TICRR: variants seen among roughly 807,000 people sequenced by gnomAD.
The protein encoded by TICRR is TOPBP1 interacting checkpoint and replication regulator.
In TICRR, 132 loss-of-function variants were observed where a neutral mutation model predicts 178.1. The observed-to-expected ratio is 0.74, with a 90% confidence interval of 0.64 to 0.86. The LOEUF (loss-of-function observed/expected upper bound fraction) is 0.86. Ranked by LOEUF, TICRR falls within the 40% of genes least tolerant of loss-of-function variation. The probability of loss-of-function intolerance (pLI) is 0.00; values close to 1 mark genes in which losing one functional copy is unlikely to be tolerated. For synonymous variants in TICRR, 991 were observed against 900.7 expected (o/e 1.10, Z -1.79); for missense variants, 2,587 against 2,334.3 (o/e 1.11, Z -2.23).
intron 4 of TICRR, among the ~76,000 whole-genome samples, chr15:89,590,705 G>T (rs1250684497): frequency 1.3e-5 from 2 of 152,124 alleles, no homozygotes; most frequent in Non-Finnish European, 1.5e-5. Flanking sequence ...ACATTTATAC[G>T]TATCTCCATG....
chr15:89,619,071 A>C (rs1449686504), intron 17 of TICRR, among the ~76,000 whole-genome samples: 1 of 152,244 alleles, frequency 6.6e-6, no homozygotes, highest in Non-Finnish European at 1.5e-5. Flanking sequence ...ACATGAAGCC[A>C]AAAATTTTAA....
intron 15 of TICRR, among the ~76,000 whole-genome samples, chr15:89,612,739 G>A (rs1336510306): frequency 6.6e-6 from 1 of 152,116 alleles, no homozygotes; most frequent in Non-Finnish European, 1.5e-5. Flanking sequence ...CCATCATGTT[G>A]CATAACCTCA....
At chr15:89,592,000 G>T in intron 4 of TICRR, 47 bp from the exon 5 acceptor site, 1 of 1,573,940 alleles carries the variant, frequency 6.4e-7, no homozygotes, top group Non-Finnish European at 8.7e-7. Context: ...CTCTGCTTTG[G>T]TTCTCATGCT....
Position 89,594,530 on chromosome 15 carries a change from C to T in TICRR, c.1657C>T (p.His553Tyr), listed in dbSNP as rs758072313. 2 of 1,603,450 alleles carry T rather than the reference C, an allele frequency of 1.2e-6. No homozygotes were observed. Among genetic ancestry groups the T allele is most frequent in the Non-Finnish European group, 1.7e-6 (2 of 1,174,774 alleles). ...ATCTCGTGAAGAATCCACTATAGCT[C>T]ATCAAGAAGACAGCAAAAAGAAACG... The part of the protein sequence containing the change: ...RKSREESTIA[H>Y]QEDSKKKRGV... The change falls in exon 6 of 22, where the codon CAT (histidine) becomes TAT (tyrosine). Residue 553 changes from histidine (H) to tyrosine (Y), a missense_variant. Physicochemically the swap from His to Tyr is moderately conservative, Grantham distance 83. Coordinates refer to ENST00000268138, the MANE Select transcript of TICRR (RefSeq NM_152259.4).
intron 5 of TICRR, among the ~76,000 whole-genome samples, chr15:89,594,162 T>C (rs928469363): frequency 2.0e-5 from 3 of 152,248 alleles, no homozygotes; most frequent in African/African-American, 7.2e-5. Flanking sequence ...TGAAGAATCC[T>C]ATTAATAAAA....
At chr15:89,614,974 C>T (rs1427950012) in intron 15 of TICRR, among the ~76,000 whole-genome samples, 3 of 152,204 alleles carry the variant, frequency 2.0e-5, no homozygotes, top group Non-Finnish European at 4.4e-5. Flanking sequence ...TGGCAGCTTA[C>T]AGGCTTCTCA....
chr15:89,600,329 C>T (rs1393180296), intron 8 of TICRR, among the ~76,000 whole-genome samples: 1 of 152,168 alleles, frequency 6.6e-6, no homozygotes, highest in Non-Finnish European at 1.5e-5. Flanking sequence ...TTCTTAAGCA[C>T]TGCTTTATGG....
At position 89,599,342 on chromosome 15, in the gene TICRR, A is replaced by T; in HGVS notation, c.1919A>T (p.Glu640Val). 1 of 1,605,198 alleles carries T rather than the reference A, an allele frequency of 6.2e-7. No homozygotes were observed. The highest frequency in any genetic ancestry group is 1.1e-5 in the South Asian group (1 of 89,112). ...TTCTCAGATTTTAAAACTGAGGAAG[A>T]GCTGCTATCATATATACGTGAAAAT... ...SKPKDFKTEE[E>V]LLSYIRENYQ... Residue 640 changes from glutamate (E) to valine (V), a missense_variant, in exon 8 of 22, where the codon GAG (glutamate) becomes GTG (valine). Transcript: ENST00000268138.
At position 89,592,168 on chromosome 15, in the gene TICRR, G is replaced by T; in HGVS notation, c.1533G>T (p.Glu511Asp). Reference sequence around the variant, plus strand: ...GTGGTGCCAGTTCCGATTTGATGGAGTCATTTGGGTAAAACGTTTTTATAT... The same window carrying T: ...GTGGTGCCAGTTCCGATTTGATGGATTCATTTGGGTAAAACGTTTTTATAT... ...NISGASSDLM[E>D]SFGLLQAASA... The change falls in exon 5 of 22, where the codon GAG becomes GAT. Residue 511 changes from glutamate (E) to aspartate (D), a missense_variant. Transcript: ENST00000268138. The T allele has an allele frequency of 1.2e-6, 2 of 1,610,870 alleles. No individual in the cohort carries two copies. The highest frequency in any genetic ancestry group is 2.2e-5 in the East Asian group (1 of 44,884).
chr15:89,577,283 C>T (rs1201467053), intron 1 of TICRR, among the ~76,000 whole-genome samples: 1 of 152,062 alleles, frequency 6.6e-6, no homozygotes, highest in East Asian at 1.9e-4. Flanking sequence ...AACTTAAAGT[C>T]TTAAATGGCT....
chr15:89,592,555 GA>G (rs1962930710), intron 5 of TICRR, among the ~76,000 whole-genome samples: 3 of 152,106 alleles, frequency 2.0e-5, no homozygotes, highest in South Asian at 2.1e-4. Flanking sequence ...TTTTTGTAAG[GA>G]AAAAAGTTAA....
rs1052560304 is a variant in TICRR, at chr15:89,619,781, T to C, written c.3093T>C (p.Ser1031=). The C allele has an allele frequency of 2.7e-5, 44 of 1,613,910 alleles. No individual in the cohort carries two copies. The highest frequency in any genetic ancestry group is 3.5e-5 in the Non-Finnish European group (41 of 1,180,004). ...FSRTHSASFY[S]VSQPKSRSVQ... is the part of the protein sequence containing the mutation. ...GGACACATTCTGCCTCCTTCTATTCTGTGTCTCAGCCGAAGTCTCGAAGTG... is the reference window on the plus strand; with the variant it reads ...GGACACATTCTGCCTCCTTCTATTCCGTGTCTCAGCCGAAGTCTCGAAGTG... Residue 1031 remains serine, a synonymous_variant, in exon 18 of 22, where the codon TCT becomes TCC. Coordinates refer to ENST00000268138, the MANE Select transcript of TICRR (RefSeq NM_152259.4).
At chr15:89,617,102 C>T (rs1401092965) in intron 16 of TICRR, among the ~76,000 whole-genome samples, 1 of 152,202 alleles carries the variant, frequency 6.6e-6, no homozygotes, top group Non-Finnish European at 1.5e-5. Flanking sequence ...CCAAAGTCCC[C>T]AGCCAGGCTG....
chr15:89,618,165 G>T lies in TICRR; in HGVS notation c.2974G>T (p.Gly992Cys). The T allele has an allele frequency of 6.2e-7, 1 of 1,614,144 alleles. No homozygotes were observed. The highest frequency in any genetic ancestry group is 1.7e-5 in the Admixed American group (1 of 60,032). The stretch of plus-strand genomic sequence containing the variant: ...TGGTTCCTCGAGGTCCTCTGATCCT[G>T]GTCCTGATATTGGTGTTGTTGAAGA... Reference protein sequence around the residue: ...RQIKGRSSDPGPDIGVVEESP... With the variant: ...RQIKGRSSDPCPDIGVVEESP... Residue 992 changes from glycine to cysteine, a missense_variant, in exon 17 of 22, where the codon GGT becomes TGT. Coordinates refer to ENST00000268138, the MANE Select transcript of TICRR (RefSeq NM_152259.4).
Position 89,624,662 on chromosome 15 carries a change from C to T in TICRR, c.4352C>T (p.Ala1451Val). The change falls in exon 20 of 22, where the codon GCA (alanine) becomes GTA (valine). Residue 1451 changes from alanine to valine, a missense_variant. Ala to Val is a moderately conservative substitution (Grantham distance 64). Coordinates refer to ENST00000268138, the MANE Select transcript of TICRR (RefSeq NM_152259.4). ...CCTGGTCTCAGGAGTGATTGGCATGCATCCTCTCCTCTGCTCATTACAAGT... is the reference window on the plus strand; with the variant it reads ...CCTGGTCTCAGGAGTGATTGGCATGTATCCTCTCCTCTGCTCATTACAAGT... ...PGPGLRSDWH[A>V]SSPLLITSDT... is the part of the protein sequence containing the mutation. 1 of 1,614,092 alleles carries T rather than the reference C, an allele frequency of 6.2e-7. No homozygotes were observed. The highest frequency in any genetic ancestry group is 1.1e-5 in the South Asian group (1 of 91,090).
intron 12 of TICRR, among the ~76,000 whole-genome samples, chr15:89,602,586 T>G (rs770040323): frequency 1.3e-5 from 2 of 152,274 alleles, no homozygotes; most frequent in South Asian, 4.1e-4. Flanking sequence ...TTTTTAAATT[T>G]CCCTTGATGC....
In TICRR at chr15:89,576,006, C is replaced by CA; in HGVS notation, c.422dup (p.Glu142GlyfsTer45). ...GACTGCTGGACGTGGAGAGCGAGGC[C>CA]AAGGAGGCCGAGGCCGCGCTCGGGG... On this transcript the variant is annotated frameshift_variant, in exon 1 of 22. Transcript: ENST00000268138. LOFTEE classifies it high-confidence loss of function. 2 of 1,608,076 alleles carry CA rather than the reference C, an allele frequency of 1.2e-6. No individual in the cohort carries two copies. The highest frequency in any genetic ancestry group is 1.7e-6 in the Non-Finnish European group (2 of 1,178,254).
At position 89,617,370 on chromosome 15, in the gene TICRR, T is replaced by G. The variant is rs541712603; in HGVS notation, c.2961-782T>G. Among the ~76,000 whole-genome samples, 7 of 152,350 alleles carry G rather than the reference T, an allele frequency of 4.6e-5. No homozygotes were observed. In the East Asian group the frequency reaches 1.2e-3, roughly 25 times the overall value. ...ACATCCTTGACACATTGGCAGAAATTAAGGCTCTTAAACAGAAACTTGAAT... is the reference window on the plus strand; with the variant it reads ...ACATCCTTGACACATTGGCAGAAATGAAGGCTCTTAAACAGAAACTTGAAT... On this transcript the variant is annotated intron_variant, in intron 16 of 21. Transcript: ENST00000268138.
In TICRR at chr15:89,625,727, C is replaced by A; in HGVS notation, c.5417C>A (p.Ser1806Tyr). 6.2e-7 allele frequency: 1 copy of A among 1,613,214 alleles called. No individual in the cohort carries two copies. Among genetic ancestry groups the A allele is most frequent in the South Asian group, 1.1e-5 (1 of 91,060 alleles). The change falls in exon 20 of 22, where the codon TCT becomes TAT. Residue 1806 changes from serine (S) to tyrosine (Y), a missense_variant. Physicochemically the swap from Ser to Tyr is moderately radical, Grantham distance 144. Coordinates refer to ENST00000268138, the MANE Select transcript of TICRR (RefSeq NM_152259.4). Reference sequence around the variant, plus strand: ...GAAGTTAGTAAGAGTAAAGAGGGGTCTCCAAGTTGGAGTGCATGGCAGCTA... The same window carrying A: ...GAAGTTAGTAAGAGTAAAGAGGGGTATCCAAGTTGGAGTGCATGGCAGCTA... ...DSEVSKSKEG[S>Y]PSWSAWQLPS...
Sources: gnomAD v4.1 joint callset for allele counts (sites outside exome capture counted in the v4.1 genomes callset) on GRCh38, gnomAD v4.1.1 for gene constraint, MANE v1.5 for transcripts, NCBI Gene and HGNC (gene_info 2026-07-23, HGNC 2026-07-21) for gene names.